The following ZNF236 variants were observed in gnomAD, a reference collection of about 807,000 sequenced individuals.
The protein encoded by ZNF236 is zinc finger protein 236.
Under a neutral mutation model 191.2 loss-of-function variants are expected in ZNF236, and 50 were observed. The ratio of observed to expected loss-of-function variants is 0.26; its 90% CI spans 0.21 to 0.33. The LOEUF (loss-of-function observed/expected upper bound fraction) is 0.33, where lower values mean the gene tolerates loss of function less well. ZNF236 is among the 10% of genes least tolerant of loss of function. The pLI is 1.00. For missense variants in ZNF236, 1,754 were observed against 2,374.5 expected (o/e 0.74, Z 5.43); for synonymous variants, 907 against 928.8 (o/e 0.98, Z 0.43).
rs576914093 is a variant in ZNF236 at position 76,863,309 on chromosome 18, A to G, written c.364-5376A>G. Reference sequence around the variant, plus strand: ...TTTGAAGAAATAATGGCTGAAAACGACCCAGACTTGGTAAAAGTCATAACT... The same window carrying G: ...TTTGAAGAAATAATGGCTGAAAACGGCCCAGACTTGGTAAAAGTCATAACT... On this transcript the variant is annotated intron_variant, in intron 3 of 30. Coordinates refer to ENST00000320610, the MANE Select transcript of ZNF236 (RefSeq NM_001306089.2). Among the ~76,000 whole-genome samples, 12 of 152,332 alleles carry G rather than the reference A, an allele frequency of 7.9e-5. No homozygotes were observed. The East Asian group carries it at 2.3e-3, about 29-fold the overall frequency.
intron 25 of ZNF236, among the ~76,000 whole-genome samples, chr18:76,935,162 A>G (rs1170839195): frequency 6.6e-6 from 1 of 152,254 alleles, no homozygotes; most frequent in East Asian, 1.9e-4. Context: ...AGCTATTTGT[A>G]GCTTGTAATT....
At chr18:76,946,808 C>A (rs1488001281) in intron 26 of ZNF236, among the ~76,000 whole-genome samples, 1 of 152,144 alleles carries the variant, frequency 6.6e-6, no homozygotes, top group African/African-American at 2.4e-5. Flanking sequence ...TATAGCATAG[C>A]AAAATTGTAT....
intron 28 of ZNF236, among the ~76,000 whole-genome samples, chr18:76,958,832 G>C (rs533037260): frequency 3.7e-4 from 56 of 152,188 alleles, no homozygotes; most frequent in Non-Finnish European, 7.5e-4. Context: ...CTCCCAGACT[G>C]TGCTGGGCCT....
Position 76,880,331 on chromosome 18 carries a change from C to G in ZNF236, c.1188+15C>G, listed in dbSNP as rs1976854599. ...ACATTTTACAGGTGAAGCACGCTTCCCTGCGGTGTGAGGCTTACGTGCTCG... is the reference window on the plus strand; with the variant it reads ...ACATTTTACAGGTGAAGCACGCTTCGCTGCGGTGTGAGGCTTACGTGCTCG... On this transcript the variant is annotated intron_variant, in intron 8 of 30. Transcript: ENST00000320610. The surrounding 1 kb of genome is among the most constrained non-coding windows in gnomAD (Gnocchi z 5.0). 1.9e-6 allele frequency: 3 copies of G among 1,601,104 alleles called. No individual in the cohort carries two copies. Among genetic ancestry groups the G allele is most frequent in the African/African-American group, 2.7e-5 (2 of 74,776 alleles).
intron 1 of ZNF236, among the ~76,000 whole-genome samples, chr18:76,847,604 T>C (rs1032576023): frequency 1.3e-5 from 2 of 152,292 alleles, no homozygotes; most frequent in Non-Finnish European, 2.9e-5. Context: ...TAGCTGGGGC[T>C]ACAGGCGCCC....
intron 1 of ZNF236, among the ~76,000 whole-genome samples, chr18:76,845,884 C>T (rs567056011): frequency 1.3e-5 from 2 of 152,034 alleles, no homozygotes; most frequent in South Asian, 4.2e-4. Flanking sequence ...CCCAGAAGGC[C>T]ATCCCATGAA....
rs1188792697 is a variant in ZNF236 at position 76,969,619 on chromosome 18, T to C, written c.*1280T>C. ...CATTGTCATATAAAGCTGGGTTTTATTTTTTTTTCCTGAAAAATAATTGCC... is the reference window on the plus strand; with the variant it reads ...CATTGTCATATAAAGCTGGGTTTTACTTTTTTTTCCTGAAAAATAATTGCC... On this transcript the variant is annotated 3_prime_UTR_variant, in exon 31 of 31. Transcript: ENST00000320610. 2 of 151,872 alleles carry C rather than the reference T, an allele frequency of 1.3e-5. No homozygotes were observed. The highest frequency in any genetic ancestry group is 4.8e-5 in the African/African-American group (2 of 41,262). 9.4% of individuals were successfully genotyped at this position (151,872 alleles called of 1,614,324 possible). A position where few individuals can be genotyped will look rare whatever the true frequency, so the allele number is the denominator to read the frequency against.
chr18:76,935,967 A>C, intron 25 of ZNF236: 1 of 456,882 alleles, frequency 2.2e-6, no homozygotes, highest in South Asian at 1.5e-5. Flanking sequence ...TAATGGTTCT[A>C]CTGCTTTTGA....
chr18:76,952,999 T>C (rs1456343245), intron 27 of ZNF236, among the ~76,000 whole-genome samples: 1 of 152,136 alleles, frequency 6.6e-6, no homozygotes, highest in Admixed American at 6.5e-5. Context: ...CTCACTTCGC[T>C]CTCTGGTGAA....
intron 27 of ZNF236, among the ~76,000 whole-genome samples, chr18:76,952,768 T>C (rs1968439059): frequency 6.6e-6 from 1 of 152,200 alleles, no homozygotes; most frequent in Non-Finnish European, 1.5e-5. Context: ...TGATCACCAC[T>C]GTACTCCAAC....
chr18:76,884,134 G>A (rs1976977091), intron 9 of ZNF236, among the ~76,000 whole-genome samples: 1 of 152,186 alleles, frequency 6.6e-6, no homozygotes, highest in Non-Finnish European at 1.5e-5. Context: ...AGGTGCAGTG[G>A]CTCGTGCCTG....
chr18:76,964,194 T>G (rs1452432540), intron 30 of ZNF236, among the ~76,000 whole-genome samples: 2 of 152,206 alleles, frequency 1.3e-5, no homozygotes, highest in African/African-American at 4.8e-5. Flanking sequence ...ATGTAGACAT[T>G]TAGGGCTACG....
At chr18:76,931,509 G>A (rs1169013389) in intron 25 of ZNF236, among the ~76,000 whole-genome samples, 2 of 151,860 alleles carry the variant, frequency 1.3e-5, no homozygotes, top group Non-Finnish European at 2.9e-5. Context: ...ATTTATACAA[G>A]TTAGCATGTT....
At chr18:76,881,989 ATT>A (rs1374893523) in intron 9 of ZNF236, among the ~76,000 whole-genome samples, 2 of 151,928 alleles carry the variant, frequency 1.3e-5, no homozygotes. Context: ...ACACCTCACC[ATT>A]TCCCATTACA....
intron 9 of ZNF236, among the ~76,000 whole-genome samples, chr18:76,881,749 G>C (rs1976908689): frequency 6.6e-6 from 1 of 151,980 alleles, no homozygotes; most frequent in Non-Finnish European, 1.5e-5. Flanking sequence ...CTGACTCCTC[G>C]CCAGGGCTTG....
intron 16 of ZNF236, 147 bp from the exon 17 acceptor site, chr18:76,912,097 A>G: frequency 3.3e-6 from 2 of 605,300 alleles, no homozygotes; most frequent in Non-Finnish European, 5.9e-6. Context: ...GCTCTGGCCT[A>G]AATGATTACA....
At chr18:76,922,968 C>A in intron 20 of ZNF236, 103 bp from the exon 21 acceptor site, 1 of 859,452 alleles carries the variant, frequency 1.2e-6, no homozygotes, top group Non-Finnish European at 1.8e-6. Flanking sequence ...CTTGGCCAAA[C>A]TTAAGCAGAA....
intron 26 of ZNF236, among the ~76,000 whole-genome samples, chr18:76,939,410 A>G (rs1344937638): frequency 4.6e-5 from 7 of 152,176 alleles, no homozygotes; most frequent in African/African-American, 1.7e-4. Context: ...TAGATGCAAG[A>G]AGCATGATGA....
At chr18:76,842,382 A>C (rs1426194215) in intron 1 of ZNF236, among the ~76,000 whole-genome samples, 1 of 151,170 alleles carries the variant, frequency 6.6e-6, no homozygotes, top group Non-Finnish European at 1.5e-5. Context: ...TTTTACAGGA[A>C]CATTTTTTGA....
Sources: gnomAD v4.1 joint callset for allele counts (sites outside exome capture counted in the v4.1 genomes callset) on GRCh38, gnomAD v4.1.1 for gene constraint, Gnocchi (gnomAD v3.1) non-coding constraint, MANE v1.5 for transcripts, NCBI Gene and HGNC (gene_info 2026-07-23, HGNC 2026-07-21) for gene names.